NOD2: variants seen among roughly 807,000 people sequenced by gnomAD.
NOD2 encodes nucleotide binding oligomerization domain containing 2.
A neutral mutation model predicts 90.9 loss-of-function variants in NOD2; 86 were observed. The ratio of observed to expected loss-of-function variants is 0.95; its 90% CI spans 0.79 to 1.13. NOD2 has a LOEUF of 1.13. Ranked by LOEUF, NOD2 falls within the 50% of genes most tolerant of loss-of-function variation. NOD2 has a pLI of 0.00. For synonymous variants in NOD2, 581 were observed against 554.6 expected, an observed-to-expected ratio of 1.05 and a Z score of -0.67; for missense variants, 1,238 against 1,283.8, an observed-to-expected ratio of 0.96 and a Z score of 0.55.
At chr16:50,718,606 A>G (rs1387257386) in intron 6 of NOD2, among the ~76,000 whole-genome samples, 1 of 152,218 alleles carries the variant, frequency 6.6e-6, no homozygotes, top group East Asian at 1.9e-4. Context: ...CTGGAGCCAG[A>G]CTGCCCGAGG....
At position 50,707,842 on chromosome 16, in the gene NOD2, G is replaced by A. The variant is rs1964268281; in HGVS notation, c.460-13G>A. On this transcript the variant is annotated splice_polypyrimidine_tract_variant and intron_variant, in intron 2 of 11. Transcript: ENST00000647318. ...CCTTCCTGGAAGAATAATGTCTTCT[G>A]CCTTTCCTGTAGGCAAGAAGGCTGC... 1 of 1,593,518 alleles carries A rather than the reference G, an allele frequency of 6.3e-7. No homozygotes were observed. Among genetic ancestry groups the A allele is most frequent in the Admixed American group, 1.7e-5 (1 of 59,986 alleles).
At chr16:50,696,260 G>A (rs1459138062) in intron 1 of NOD2, 1 of 152,374 alleles carries the variant, frequency 6.6e-6, no homozygotes, top group Non-Finnish European at 1.5e-5. Context: ...TCTCAGGAAG[G>A]AAGGAGGTGT....
intron 1 of NOD2, chr16:50,696,322 C>G (rs376200627): frequency 6.6e-5 from 10 of 152,398 alleles, no homozygotes; most frequent in East Asian, 1.9e-4. Context: ...TGGGTCGCCC[C>G]TTGACCCTCT....
chr16:50,720,790 A>G (rs1454762355), intron 7 of NOD2, among the ~76,000 whole-genome samples: 3 of 152,130 alleles, frequency 2.0e-5, no homozygotes, highest in Non-Finnish European at 4.4e-5. Context: ...AGTTGCCCCC[A>G]AGCTCAGTTT....
chr16:50,713,794 G>A (rs889069395), intron 4 of NOD2, among the ~76,000 whole-genome samples: 7 of 152,224 alleles, frequency 4.6e-5, no homozygotes, highest in East Asian at 1.9e-4. Flanking sequence ...GAAGAATACC[G>A]CTTGGCCCTA....
chr16:50,721,366 GTT>G, intron 7 of NOD2, among the ~76,000 whole-genome samples: 1 of 143,282 alleles, frequency 7.0e-6, no homozygotes, highest in African/African-American at 2.6e-5. Flanking sequence ...AACTTGCTTG[GTT>G]TTTTTTTTTG....
At chr16:50,700,519 T>C (rs1225559609) in intron 2 of NOD2, among the ~76,000 whole-genome samples, 1 of 152,242 alleles carries the variant, frequency 6.6e-6, no homozygotes, top group African/African-American at 2.4e-5. Flanking sequence ...CTGTGTGATC[T>C]CAGGCTTCCC....
In NOD2 at chr16:50,710,714, C is replaced by T. The variant is rs1964426730; in HGVS notation, c.722C>T (p.Pro241Leu). 4 of 1,613,752 alleles carry T rather than the reference C, an allele frequency of 2.5e-6. No homozygotes were observed. Among genetic ancestry groups the T allele is most frequent in the South Asian group, 1.1e-5 (1 of 91,050 alleles). ...TGGGCAGATGTGGGCATGGCTGGACCCCCGCAGAAGAGCCCAGCCACCCTG... is the reference window on the plus strand; with the variant it reads ...TGGGCAGATGTGGGCATGGCTGGACTCCCGCAGAAGAGCCCAGCCACCCTG... ...EVWADVGMAGPPQKSPATLGL... is the reference protein window; with the variant it reads ...EVWADVGMAGLPQKSPATLGL... The change falls in exon 4 of 12, where the codon CCC becomes CTC. Residue 241 changes from proline to leucine, a missense_variant. This residue lies in a region of NOD2 where 567 missense variants were observed against 577.3 expected (regional missense o/e 0.98). Coordinates refer to ENST00000647318, the MANE Select transcript of NOD2 (RefSeq NM_001370466.1).
intron 11 of NOD2, among the ~76,000 whole-genome samples, chr16:50,730,354 A>G (rs1274500207): frequency 6.6e-6 from 1 of 152,222 alleles, no homozygotes; most frequent in Non-Finnish European, 1.5e-5. Flanking sequence ...ATGTATTGAA[A>G]AAAGCAAGAA....
At chr16:50,697,371 C>T in intron 1 of NOD2, 1 of 1,484,864 alleles carries the variant, frequency 6.7e-7, no homozygotes, top group Non-Finnish European at 9.2e-7. Context: ...TTCTTTCATC[C>T]TTGGCCGCGA....
chr16:50,723,138 A>G (rs1965136435), intron 8 of NOD2, among the ~76,000 whole-genome samples, 163 bp from the exon 9 acceptor site: 1 of 122,806 alleles, frequency 8.1e-6, no homozygotes, highest in Non-Finnish European at 1.7e-5. Context: ...TAAAAAGGGT[A>G]GAAAAAAAAA....
chr16:50,710,017 G>T (rs746940710), intron 3 of NOD2: 1 of 456,044 alleles, frequency 2.2e-6, no homozygotes, highest in Non-Finnish European at 4.4e-6. Context: ...TCAAACTCAG[G>T]TGTGTCTGGC....
chr16:50,703,771 G>T (rs561100525), intron 2 of NOD2, among the ~76,000 whole-genome samples: 1 of 152,220 alleles, frequency 6.6e-6, no homozygotes, highest in South Asian at 2.1e-4. Context: ...GGAGTCTCAG[G>T]GACTTGGTCT....
chr16:50,722,854 G>C, intron 8 of NOD2, 149 bp downstream of exon 8: 3 of 768,120 alleles, frequency 3.9e-6, no homozygotes, highest in Non-Finnish European at 6.9e-6. Context: ...GATTTCAAGA[G>C]AGGACACTCG....
At chr16:50,707,470 T>A (rs1964250513) in intron 2 of NOD2, among the ~76,000 whole-genome samples, 1 of 152,200 alleles carries the variant, frequency 6.6e-6, no homozygotes, top group Admixed American at 6.5e-5. Flanking sequence ...AGGCTGGAGA[T>A]GAAGATGTGG....
intron 1 of NOD2, among the ~76,000 whole-genome samples, 174 bp downstream of exon 1, chr16:50,693,836 G>A (rs1401813776): frequency 3.3e-5 from 5 of 152,130 alleles, no homozygotes; most frequent in African/African-American, 9.7e-5. Context: ...GAAGTGAGAC[G>A]GAAAGGGGGC....
At chr16:50,696,333 C>G (rs1963646669) in intron 1 of NOD2, 1 of 152,234 alleles carries the variant, frequency 6.6e-6, no homozygotes, top group African/African-American at 2.4e-5. Flanking sequence ...TTGACCCTCT[C>G]TTTCAGCAAG....
chr16:50,720,536 G>T (rs184673983), intron 7 of NOD2, among the ~76,000 whole-genome samples: 2 of 152,250 alleles, frequency 1.3e-5, no homozygotes, highest in Non-Finnish European at 2.9e-5. Context: ...CTCCCTGTAG[G>T]ACCATGCTAG....
intron 1 of NOD2, among the ~76,000 whole-genome samples, chr16:50,696,084 G>C (rs1963632657): frequency 6.6e-6 from 1 of 152,116 alleles, no homozygotes; most frequent in Non-Finnish European, 1.5e-5. Flanking sequence ...CAGGATAGCT[G>C]GGGGAGGGTG....
Sources: allele counts gnomAD v4.1 joint callset (sites outside exome capture counted in the v4.1 genomes callset), GRCh38; gene constraint gnomAD v4.1.1; regional missense constraint gnomAD v4.1.1; transcripts MANE v1.5; gene names NCBI Gene and HGNC (gene_info 2026-07-23, HGNC 2026-07-21).